Variants in GLG1 observed in about 807,000 individuals in gnomAD.
The protein encoded by GLG1 is golgi glycoprotein 1.
GLG1 carries 38 observed loss-of-function variants against 160.5 expected under a neutral mutation model. The observed-to-expected ratio is 0.24, with a 90% CI of 0.18 to 0.31. GLG1 has a LOEUF of 0.31. GLG1 is among the 10% of genes least tolerant of loss of function. The pLI, the probability that GLG1 is intolerant of heterozygous loss-of-function variation, is 1.00. For synonymous variants in GLG1, 644 were observed against 543.4 expected, an observed-to-expected ratio of 1.19 and a Z score of -2.57; for missense variants, 1,373 against 1,505.2, an observed-to-expected ratio of 0.91 and a Z score of 1.45.
chr16:74,504,531 A>G (rs8062437), intron 3 of GLG1, among the ~76,000 whole-genome samples: 143,586 of 152,244 alleles, frequency 0.94, 67,929 homozygotes, highest in East Asian at 1. Flanking sequence ...CACGTGACCC[A>G]CCCACCTTGG....
At chr16:74,550,806 G>A (rs1406501631) in intron 1 of GLG1, among the ~76,000 whole-genome samples, 1 of 152,090 alleles carries the variant, frequency 6.6e-6, no homozygotes, top group Non-Finnish European at 1.5e-5. Context: ...GAAATATACA[G>A]AAACAGCTTT....
At position 74,477,290 on chromosome 16, in the gene GLG1, C is replaced by T; in HGVS notation, c.1965+106G>A. 2.2e-6 allele frequency: 2 copies of T among 906,900 alleles called. 1 individual carries two copies. The highest frequency in any genetic ancestry group is 2.8e-5 in the South Asian group (2 of 71,290). The allele number at this position is 906,900 out of a possible 1,614,324, so 56.2% of individuals were successfully genotyped here. On this transcript the variant is annotated intron_variant, in intron 12 of 25. Coordinates refer to ENST00000422840, the MANE Select transcript of GLG1 (RefSeq NM_001145667.2). Reference sequence around the variant, plus strand: ...TATTGAACAATACAACAAATCACATCTGTAAGGTAAAGAGAGATGGATTTT... The same window carrying T: ...TATTGAACAATACAACAAATCACATTTGTAAGGTAAAGAGAGATGGATTTT...
At chr16:74,477,323 TTG>T in intron 12 of GLG1, 71 bp downstream of exon 12, 1 of 1,079,834 alleles carries the variant, frequency 9.3e-7, no homozygotes, top group Non-Finnish European at 1.4e-6. Context: ...TTTATGGTGT[TTG>T]TACTCTGCAT....
intron 24 of GLG1, among the ~76,000 whole-genome samples, chr16:74,457,660 C>T (rs769878978): frequency 1.3e-5 from 2 of 152,174 alleles, no homozygotes; most frequent in Non-Finnish European, 2.9e-5. Flanking sequence ...CCAGTCATGA[C>T]AAGGCCAGTT....
intron 1 of GLG1, among the ~76,000 whole-genome samples, chr16:74,534,064 T>C (rs376472834): frequency 6.6e-5 from 10 of 152,144 alleles, no homozygotes; most frequent in South Asian, 2.1e-4. Context: ...TACAAACTCA[T>C]TTTTATACTT....
chr16:74,447,572 T>C lies in GLG1; in HGVS notation c.*5595A>G, dbSNP rs1270084061. 6.6e-6 allele frequency: 1 copy of C among 152,260 alleles called. No individual in the cohort carries two copies. The highest frequency in any genetic ancestry group is 1.5e-5 in the Non-Finnish European group (1 of 68,052). The allele number at this position is 152,260 out of a possible 1,614,324, so 9.4% of individuals were successfully genotyped here. A position where few individuals can be genotyped will look rare whatever the true frequency, so the allele number is the denominator to read the frequency against. ...ATGTAAAAACAAGGGACCACCACGA[T>C]TTTATACATAGAAAGGAAACCCATT... is the stretch of plus-strand genomic sequence containing the variant. On this transcript the variant is annotated 3_prime_UTR_variant, in exon 26 of 26. Coordinates refer to ENST00000422840, the MANE Select transcript of GLG1 (RefSeq NM_001145667.2).
chr16:74,453,560 G>A (rs147130436), intron 25 of GLG1, among the ~76,000 whole-genome samples: 1 of 152,302 alleles, frequency 6.6e-6, no homozygotes, highest in East Asian at 1.9e-4. Flanking sequence ...GAGACAAAGT[G>A]GTGCAGTCAC....
At chr16:74,465,948 AT>A in intron 18 of GLG1, 135 bp from the exon 19 acceptor site, 1 of 797,692 alleles carries the variant, frequency 1.3e-6, no homozygotes, top group Non-Finnish European at 2.0e-6. Flanking sequence ...CGGAATCAGG[AT>A]TTCCTTACCA....
At chr16:74,484,834 T>A (rs921613886) in intron 9 of GLG1, among the ~76,000 whole-genome samples, 1 of 152,028 alleles carries the variant, frequency 6.6e-6, no homozygotes, top group Admixed American at 6.6e-5. Flanking sequence ...TAGAGGCTCA[T>A]CTCGAACTCT....
At chr16:74,473,445 T>TTTC (rs2015281794) in intron 13 of GLG1, among the ~76,000 whole-genome samples, 1 of 147,338 alleles carries the variant, frequency 6.8e-6, no homozygotes, top group Non-Finnish European at 1.5e-5. Flanking sequence ...ACCTTTTTTT[T>TTTC]TTTTTTTTTT....
chr16:74,565,911 G>C (rs2018642314), intron 1 of GLG1, among the ~76,000 whole-genome samples: 1 of 152,148 alleles, frequency 6.6e-6, no homozygotes, highest in Non-Finnish European at 1.5e-5. Context: ...CTTTGTTACA[G>C]GATCCCATCC....
chr16:74,548,752 T>G (rs9888913), intron 1 of GLG1, among the ~76,000 whole-genome samples: 2 of 152,174 alleles, frequency 1.3e-5, no homozygotes, highest in East Asian at 1.9e-4. Context: ...TCCCAGCACT[T>G]TGTGAGGCTG....
intron 1 of GLG1, among the ~76,000 whole-genome samples, chr16:74,540,240 T>C (rs1407961325): frequency 3.6e-5 from 5 of 139,904 alleles, no homozygotes; most frequent in Non-Finnish European, 4.5e-5. Context: ...TATTTATTAA[T>C]CCATGAATAT....
chr16:74,520,355 G>A (rs552288835), intron 2 of GLG1, among the ~76,000 whole-genome samples: 1 of 152,268 alleles, frequency 6.6e-6, no homozygotes, highest in Non-Finnish European at 1.5e-5. Context: ...AAAAACACGT[G>A]GCCGGAGACG....
chr16:74,579,960 G>C (rs1399040007), intron 1 of GLG1, among the ~76,000 whole-genome samples: 1 of 152,090 alleles, frequency 6.6e-6, no homozygotes, highest in Non-Finnish European at 1.5e-5. Context: ...CTACTCTGGA[G>C]GCTGAGGCAG....
rs977433201 is a variant in GLG1, at chr16:74,452,897, A to G, written c.*270T>C. 2 of 1,149,046 alleles carry G rather than the reference A, an allele frequency of 1.7e-6. No homozygotes were observed. The highest frequency in any genetic ancestry group is 1.6e-5 in the African/African-American group (1 of 62,670). The allele number at this position is 1,149,046 out of a possible 1,614,324, so 71.2% of individuals were successfully genotyped here. On this transcript the variant is annotated 3_prime_UTR_variant, in exon 26 of 26. Coordinates refer to ENST00000422840, the MANE Select transcript of GLG1 (RefSeq NM_001145667.2). ...AAGTACCGGAAGTTCTGTTGGTATG[A>G]GAGAGACTTGTCTACAGGCAGGTAA...
intron 10 of GLG1, among the ~76,000 whole-genome samples, chr16:74,482,572 C>G (rs2015641975): frequency 6.6e-6 from 1 of 151,948 alleles, no homozygotes. Context: ...ATCAAGTTGT[C>G]ACTTATTGAC....
chr16:74,513,362 G>C (rs2016874127), intron 2 of GLG1, among the ~76,000 whole-genome samples: 1 of 152,112 alleles, frequency 6.6e-6, no homozygotes, highest in African/African-American at 2.4e-5. Context: ...AATATAGTCA[G>C]CCTACTGGGA....
intron 1 of GLG1, among the ~76,000 whole-genome samples, chr16:74,538,694 G>C (rs2017750586): frequency 6.6e-6 from 1 of 150,550 alleles, no homozygotes; most frequent in Non-Finnish European, 1.5e-5. Flanking sequence ...TTTCAAAAAG[G>C]AGTTACTGTA....
Sources: gnomAD v4.1 joint callset for allele counts (sites outside exome capture counted in the v4.1 genomes callset) on GRCh38, gnomAD v4.1.1 for gene constraint, MANE v1.5 for transcripts, NCBI Gene and HGNC (gene_info 2026-07-23, HGNC 2026-07-21) for gene names.